The following LDB2 variants were observed in gnomAD, a reference collection of about 807,000 sequenced individuals.
The protein encoded by LDB2 is LIM domain binding 2, also known as LIM domain-binding protein 2.
LDB2 carries 12 observed loss-of-function variants against 44.3 expected under a neutral mutation model. The observed-to-expected ratio is 0.27, with a 90% CI of 0.17 to 0.44. The LOEUF is 0.44. Among genes scored for constraint, LDB2 ranks in the 20% least tolerant of loss-of-function variants. The pLI, the probability that LDB2 is intolerant of heterozygous loss-of-function variation, is 1.00. For synonymous variants in LDB2, 164 were observed against 174.8 expected (o/e 0.94, Z 0.49); for missense variants, 344 against 473.5 (o/e 0.73, Z 2.54).
chr4:16,568,648 A>G (rs1745388128), intron 5 of LDB2, among the ~76,000 whole-genome samples: 1 of 152,174 alleles, frequency 6.6e-6, no homozygotes, highest in Non-Finnish European at 1.5e-5. Context: ...CCCCACGAAC[A>G]CCCAAATCTG....
chr4:16,701,694 G>T (rs889077669), intron 2 of LDB2, among the ~76,000 whole-genome samples: 3 of 152,220 alleles, frequency 2.0e-5, no homozygotes, highest in Non-Finnish European at 4.4e-5. Context: ...GGCAGCTGCA[G>T]CCTGTGAGCT....
chr4:16,884,677 G>A (rs1241744894), intron 1 of LDB2, among the ~76,000 whole-genome samples: 2 of 152,164 alleles, frequency 1.3e-5, no homozygotes, highest in Admixed American at 6.5e-5. Flanking sequence ...TTTAAGAGAA[G>A]GACTCTGCCC....
At chr4:16,784,372 A>G (rs1017271212) in intron 1 of LDB2, among the ~76,000 whole-genome samples, 16 of 152,202 alleles carry the variant, frequency 1.1e-4, no homozygotes, top group Non-Finnish European at 2.4e-4. Flanking sequence ...GGGGCTGGTA[A>G]TTCCACCTTG....
intron 1 of LDB2, among the ~76,000 whole-genome samples, chr4:16,814,297 C>T (rs962770572): frequency 5.9e-5 from 9 of 152,274 alleles, no homozygotes; most frequent in South Asian, 2.1e-4. Flanking sequence ...TGTGGCTACT[C>T]GTCTGTTCCA....
chr4:16,521,825 AT>A (rs1226050789), intron 5 of LDB2, among the ~76,000 whole-genome samples: 1 of 152,162 alleles, frequency 6.6e-6, no homozygotes, highest in Non-Finnish European at 1.5e-5. Context: ...CCTCTATTAA[AT>A]TATGAGGTGT....
intron 2 of LDB2, among the ~76,000 whole-genome samples, chr4:16,747,732 C>A (rs1314095023): frequency 6.6e-6 from 1 of 151,888 alleles, no homozygotes; most frequent in East Asian, 1.9e-4. Context: ...TATCCTTTAC[C>A]TGAGAACCAT....
At chr4:16,817,896 ATCTAT>A (rs1781243919) in intron 1 of LDB2, among the ~76,000 whole-genome samples, 1 of 152,162 alleles carries the variant, frequency 6.6e-6, no homozygotes, top group Non-Finnish European at 1.5e-5. Context: ...GTTTCTGGTT[ATCTAT>A]TCTTGCATAA....
chr4:16,854,722 A>ATG (rs1788992771), intron 1 of LDB2, among the ~76,000 whole-genome samples: 1 of 122,546 alleles, frequency 8.2e-6, no homozygotes, highest in Non-Finnish European at 1.8e-5. Flanking sequence ...TGTGTATATT[A>ATG]TGTGTGTATA....
intron 1 of LDB2, among the ~76,000 whole-genome samples, chr4:16,845,253 C>G (rs1392667472): frequency 6.6e-6 from 1 of 152,146 alleles, no homozygotes; most frequent in East Asian, 1.9e-4. Context: ...ATACATTAAG[C>G]CTCCTTATTA....
At position 16,766,347 on chromosome 4, in the gene LDB2, TTG is replaced by T. The variant is rs1286891391; in HGVS notation, c.133-7089_133-7088del. On this transcript the variant is annotated intron_variant, in intron 1 of 7. Coordinates refer to ENST00000304523, the MANE Select transcript of LDB2 (RefSeq NM_001290.5). ...AACTGTGATTTGTTTAAATTTAACATTGTGTTTGAAGACCTATCCAATTTATA... is the reference window on the plus strand; with the variant it reads ...AACTGTGATTTGTTTAAATTTAACATTGTTTGAAGACCTATCCAATTTATA... Among the ~76,000 whole-genome samples, 3 of 151,822 alleles carry T rather than the reference TTG, an allele frequency of 2.0e-5. No homozygotes were observed. The East Asian group carries it at 5.8e-4, about 29-fold the overall frequency.
At chr4:16,868,994 T>G (rs1715625872) in intron 1 of LDB2, among the ~76,000 whole-genome samples, 1 of 152,010 alleles carries the variant, frequency 6.6e-6, no homozygotes, top group Non-Finnish European at 1.5e-5. Flanking sequence ...GATGACATTA[T>G]TGGTGATGAT....
intron 2 of LDB2, among the ~76,000 whole-genome samples, chr4:16,755,453 T>TGGCATGA (rs563147004): frequency 4.0e-4 from 60 of 150,958 alleles, no homozygotes; most frequent in African/African-American, 1.4e-3. Context: ...CCTTTAGCTA[T>TGGCATGA]GGCATGATGT....
intron 2 of LDB2, chr4:16,674,381 C>T (rs1745703253): frequency 2.1e-5 from 16 of 755,810 alleles, no homozygotes; most frequent in Non-Finnish European, 3.2e-5. Flanking sequence ...GCCCTGGAGG[C>T]GGTGTTAGAA....
intron 2 of LDB2, among the ~76,000 whole-genome samples, chr4:16,717,346 T>C (rs907904231): frequency 5.3e-5 from 8 of 152,092 alleles, no homozygotes; most frequent in African/African-American, 1.7e-4. Context: ...GGGTAGTAGC[T>C]GGAGAAAACT....
At chr4:16,757,249 C>A (rs1039400589) in intron 2 of LDB2, among the ~76,000 whole-genome samples, 10 of 152,208 alleles carry the variant, frequency 6.6e-5, no homozygotes, top group African/African-American at 2.4e-4. Context: ...GCCCACACAT[C>A]AGCAGCGTGT....
chr4:16,861,782 C>T lies in LDB2; in HGVS notation c.132+36572G>A, dbSNP rs376171197. Among the ~76,000 whole-genome samples, 28 of 152,334 alleles carry T rather than the reference C, an allele frequency of 1.8e-4. No individual in the cohort carries two copies. The East Asian group carries it at 4.8e-3, about 26-fold the overall frequency. On this transcript the variant is annotated intron_variant, in intron 1 of 7. Transcript: ENST00000304523. Reference sequence around the variant, plus strand: ...ACAGACAGCCGCAGACAAACTACGCCTTGCCAGTCCTCCCTTGCACATGCT... The same window carrying T: ...ACAGACAGCCGCAGACAAACTACGCTTTGCCAGTCCTCCCTTGCACATGCT...
At chr4:16,746,088 C>T (rs996991936) in intron 2 of LDB2, among the ~76,000 whole-genome samples, 32 of 152,144 alleles carry the variant, frequency 2.1e-4, no homozygotes, top group African/African-American at 7.7e-4. Context: ...TACTACTCAG[C>T]AAATATTGAC....
chr4:16,843,074 C>G (rs944731394), intron 1 of LDB2, among the ~76,000 whole-genome samples: 2 of 152,076 alleles, frequency 1.3e-5, no homozygotes, highest in Admixed American at 1.3e-4. Context: ...TTATTGTCAG[C>G]CTAATTGCAA....
chr4:16,867,777 G>A (rs1248676377), intron 1 of LDB2, among the ~76,000 whole-genome samples: 2 of 152,122 alleles, frequency 1.3e-5, no homozygotes, highest in African/African-American at 4.8e-5. Context: ...TGCACTCCAA[G>A]ACACTTCAAG....
Sources: allele counts gnomAD v4.1 joint callset (sites outside exome capture counted in the v4.1 genomes callset), GRCh38; gene constraint gnomAD v4.1.1; transcripts MANE v1.5; gene names NCBI Gene and HGNC (gene_info 2026-07-23, HGNC 2026-07-21).